The following RBM7 variants were observed in gnomAD, a reference collection of about 807,000 sequenced individuals.
The protein encoded by RBM7 is RNA binding motif protein 7, also known as RNA-binding protein 7.
In RBM7, 13 loss-of-function variants were observed where a neutral mutation model predicts 31.0. The observed-to-expected ratio is 0.42, with a 90% CI of 0.27 to 0.67. The LOEUF (loss-of-function observed/expected upper bound fraction) is 0.67. RBM7 is among the 30% of genes least tolerant of loss of function. RBM7 has a pLI of 0.24. For synonymous variants in RBM7, 106 were observed against 111.2 expected (o/e 0.95, Z 0.30); for missense variants, 245 against 326.2 (o/e 0.75, Z 1.92).
chr11:114,401,778 T>C lies in RBM7; in HGVS notation c.177T>C (p.His59=), dbSNP rs201324300. Residue 59 remains histidine (H), a synonymous_variant, in exon 2 of 5, where the codon CAT becomes CAC. Coordinates refer to ENST00000375490, the MANE Select transcript of RBM7 (RefSeq NM_001286045.2). The part of the protein sequence containing the change: ...PKQFAFVNFK[H]EVSVPYAMNL... ...AGTTTGCGTTTGTGAATTTCAAACATGAAGTGTCTGTTCCTTATGCAATGA... is the reference window on the plus strand; with the variant it reads ...AGTTTGCGTTTGTGAATTTCAAACACGAAGTGTCTGTTCCTTATGCAATGA... 3.7e-5 allele frequency: 58 copies of C among 1,586,460 alleles called. No individual in the cohort carries two copies. Among genetic ancestry groups the C allele is most frequent in the Non-Finnish European group, 4.7e-5 (55 of 1,170,176 alleles).
chr11:114,400,832 C>T, intron 1 of RBM7, 65 bp downstream of exon 1: 1 of 1,580,562 alleles, frequency 6.3e-7, no homozygotes, highest in African/African-American at 1.4e-5. Flanking sequence ...GGCCAGCGGC[C>T]ACCCCGTTTT....
intron 4 of RBM7, chr11:114,406,175 T>C (rs1200665134): frequency 6.4e-6 from 1 of 155,734 alleles, no homozygotes; most frequent in African/African-American, 2.4e-5. Context: ...ACCAGTTCCA[T>C]TTTAAACTTA....
In RBM7 at chr11:114,408,420, C is replaced by T. The variant is rs187324544; in HGVS notation, c.*613C>T. Reference sequence around the variant, plus strand: ...AATTTAGAAATTGTTCATTAAATCCCATTTGAGGTATAAGTCACTCAGGAA... The same window carrying T: ...AATTTAGAAATTGTTCATTAAATCCTATTTGAGGTATAAGTCACTCAGGAA... On this transcript the variant is annotated 3_prime_UTR_variant, in exon 5 of 5. Transcript: ENST00000375490. The T allele has an allele frequency of 6.5e-6, 1 of 152,774 alleles. No individual in the cohort carries two copies. Among genetic ancestry groups the T allele is most frequent in the Non-Finnish European group, 1.5e-5 (1 of 68,000 alleles). The allele number at this position is 152,774 out of a possible 1,614,324, so 9.5% of individuals were successfully genotyped here.
At chr11:114,401,984 T>C in intron 2 of RBM7, 124 bp downstream of exon 2, 1 of 984,452 alleles carries the variant, frequency 1.0e-6, no homozygotes, top group Non-Finnish European at 1.5e-6. Context: ...TAGTAAACTT[T>C]ATATAGCAAA....
chr11:114,407,410 G>C (rs755473623), intron 4 of RBM7, 35 bp from the exon 5 acceptor site: 19 of 1,570,340 alleles, frequency 1.2e-5, no homozygotes, highest in African/African-American at 4.1e-5. Context: ...TTGATATCTA[G>C]AAGTATTAAC....
In RBM7 at chr11:114,400,766, A is replaced by C; in HGVS notation, c.95A>C (p.Gln32Pro). The C allele has an allele frequency of 6.2e-7, 1 of 1,614,216 alleles. No individual in the cohort carries two copies. Among genetic ancestry groups the C allele is most frequent in the South Asian group, 1.1e-5 (1 of 91,090 alleles). Residue 32 changes from glutamine to proline, a missense_variant and splice_region_variant, in exon 1 of 5, where the codon CAG becomes CCG. Gln to Pro is a moderately conservative substitution (Grantham distance 76). Coordinates refer to ENST00000375490, the MANE Select transcript of RBM7 (RefSeq NM_001286045.2). ...TEELLFELFHQAGPVIKVKIP... is the reference protein window; with the variant it reads ...TEELLFELFHPAGPVIKVKIP... ...GAGCTCCTTTTCGAGCTTTTCCACC[A>C]GGTAAGCGGCTGGGTTCGGCCCTTT...
rs138706465 is a variant in RBM7 at position 114,401,736 on chromosome 11, G to A, written c.135G>A (p.Lys45=). The A allele has an allele frequency of 1.6e-3, 2,558 of 1,574,802 alleles. 37 individuals carry two copies. In the African/African-American group the frequency reaches 0.032, roughly 20 times the overall value. Reference sequence around the variant, plus strand: ...TAAAGGTGAAAATTCCAAAAGATAAGGATGGTAAACCAAAGCAGTTTGCGT... The same window carrying A: ...TAAAGGTGAAAATTCCAAAAGATAAAGATGGTAAACCAAAGCAGTTTGCGT... The part of the protein sequence containing the change: ...PVIKVKIPKD[K]DGKPKQFAFV... Residue 45 remains lysine, a synonymous_variant, in exon 2 of 5, where the codon AAG becomes AAA. Coordinates refer to ENST00000375490, the MANE Select transcript of RBM7 (RefSeq NM_001286045.2).
At chr11:114,402,740 A>G in intron 2 of RBM7, 88 bp from the exon 3 acceptor site, 2 of 1,131,556 alleles carry the variant, frequency 1.8e-6, no homozygotes, top group Admixed American at 1.7e-5. Flanking sequence ...GATTGTGTTT[A>G]CCTTTTTGGA....
chr11:114,402,652 A>AC (rs1339284270), intron 2 of RBM7, among the ~76,000 whole-genome samples, 176 bp from the exon 3 acceptor site: 1 of 151,812 alleles, frequency 6.6e-6, no homozygotes, highest in African/African-American at 2.4e-5. Flanking sequence ...AGATGTGCCC[A>AC]CGTCAGCCTC....
intron 2 of RBM7, 88 bp from the exon 3 acceptor site, chr11:114,402,740 A>T: frequency 8.8e-7 from 1 of 1,131,554 alleles, no homozygotes; most frequent in Non-Finnish European, 1.3e-6. Flanking sequence ...GATTGTGTTT[A>T]CCTTTTTGGA....
Position 114,408,615 on chromosome 11 carries a change from T to G in RBM7, c.*808T>G, listed in dbSNP as rs1429148171. 1.3e-5 allele frequency: 2 copies of G among 152,668 alleles called. No individual in the cohort carries two copies. Among genetic ancestry groups the G allele is most frequent in the East Asian group, 3.7e-4 (2 of 5,340 alleles). The allele number at this position is 152,668 out of a possible 1,614,324, so 9.5% of individuals were successfully genotyped here. On this transcript the variant is annotated 3_prime_UTR_variant, in exon 5 of 5. Coordinates refer to ENST00000375490, the MANE Select transcript of RBM7 (RefSeq NM_001286045.2). ...ATTCATGAAGCCTTTAAGTGCTGCT[T>G]CTGTCAGTCAAACGTTAAAAACTTT... is the stretch of plus-strand genomic sequence containing the variant.
In RBM7 at chr11:114,410,181, T is replaced by C. The variant is rs1054777; in HGVS notation, c.*2374T>C. ...AGATTATTTTTGTGGGAGAACAGTT[T>C]CTCCCATAGTGTTTCCTGTGGAATG... On this transcript the variant is annotated 3_prime_UTR_variant, in exon 5 of 5. Coordinates refer to ENST00000375490, the MANE Select transcript of RBM7 (RefSeq NM_001286045.2). 6.6e-6 allele frequency: 1 copy of C among 152,028 alleles called. No individual in the cohort carries two copies. The highest frequency in any genetic ancestry group is 2.1e-4 in the South Asian group (1 of 4,816). 9.4% of individuals were successfully genotyped at this position (152,028 alleles called of 1,614,324 possible). A position where few individuals can be genotyped will look rare whatever the true frequency, so the allele number is the denominator to read the frequency against.
At position 114,407,551 on chromosome 11, in the gene RBM7, A is replaced by G. The variant is rs368476669; in HGVS notation, c.548A>G (p.Asn183Ser). Reference sequence around the variant, plus strand: ...GTTCAATCACACAGTCATAGTTTCAATCAGTCTTCAAGCTCCCAGTGGCGC... The same window carrying G: ...GTTCAATCACACAGTCATAGTTTCAGTCAGTCTTCAAGCTCCCAGTGGCGC... Reference protein sequence around the residue: ...PSVQSHSHSFNQSSSSQWRQG... With the variant: ...PSVQSHSHSFSQSSSSQWRQG... The change falls in exon 5 of 5, where the codon AAT becomes AGT. Residue 183 changes from asparagine to serine, a missense_variant. Transcript: ENST00000375490. 1.8e-5 allele frequency: 29 copies of G among 1,614,082 alleles called. No homozygotes were observed. The highest frequency in any genetic ancestry group is 9.3e-5 in the African/African-American group (7 of 74,930).
chr11:114,403,142 A>G lies in RBM7; in HGVS notation c.347+227A>G, dbSNP rs551965047. On this transcript the variant is annotated intron_variant, in intron 3 of 4. Transcript: ENST00000375490. ...TAGTCCCCTTAGAATAGATACGTAT[A>G]TAACTATTTGTTGATTTGTAGCGAC... Among the ~76,000 whole-genome samples, 9 of 152,356 alleles carry G rather than the reference A, an allele frequency of 5.9e-5. No homozygotes were observed. In the South Asian group the frequency reaches 1.9e-3, roughly 32 times the overall value.
chr11:114,402,743 T>G, intron 2 of RBM7, 85 bp from the exon 3 acceptor site: 1 of 1,177,528 alleles, frequency 8.5e-7, no homozygotes, highest in Non-Finnish European at 1.3e-6. Flanking sequence ...TGTGTTTACC[T>G]TTTTGGAGTG....
chr11:114,407,596 A>T lies in RBM7; in HGVS notation c.593A>T (p.Gln198Leu). ...SQWRQGTPSS[Q>L]RKVRMNSYPY... is the part of the protein sequence containing the mutation. The stretch of plus-strand genomic sequence containing the variant: ...TGGCGCCAAGGTACACCATCATCAC[A>T]GCGTAAAGTCAGAATGAATTCTTAT... The change falls in exon 5 of 5, where the codon CAG becomes CTG. Residue 198 changes from glutamine (Q) to leucine (L), a missense_variant. Gln to Leu is a moderately radical substitution (Grantham distance 113, BLOSUM62 -2). Coordinates refer to ENST00000375490, the MANE Select transcript of RBM7 (RefSeq NM_001286045.2). 3.1e-6 allele frequency: 5 copies of T among 1,614,190 alleles called. No homozygotes were observed. The highest frequency in any genetic ancestry group is 4.2e-6 in the Non-Finnish European group (5 of 1,180,014).
In RBM7 at chr11:114,409,948, G is replaced by C. The variant is rs1192362125; in HGVS notation, c.*2141G>C. The C allele has an allele frequency of 1.3e-5, 2 of 152,178 alleles. No individual in the cohort carries two copies. Among genetic ancestry groups the C allele is most frequent in the African/African-American group, 2.4e-5 (1 of 41,438 alleles). The allele number at this position is 152,178 out of a possible 1,614,324, so 9.4% of individuals were successfully genotyped here. On this transcript the variant is annotated 3_prime_UTR_variant, in exon 5 of 5. Coordinates refer to ENST00000375490, the MANE Select transcript of RBM7 (RefSeq NM_001286045.2). ...TGAGCATCCCTTATTCAAAATGCTT[G>C]AGAAGTGTTTTGGGTTCTGGAATAT...
chr11:114,405,491 C>A (rs182010288), intron 3 of RBM7, among the ~76,000 whole-genome samples: 7 of 152,280 alleles, frequency 4.6e-5, no homozygotes, highest in Admixed American at 3.9e-4. Context: ...GGGGAACCTC[C>A]TATCTGTTTC....
chr11:114,402,356 A>G (rs1946213608), intron 2 of RBM7, among the ~76,000 whole-genome samples: 4 of 146,176 alleles, frequency 2.7e-5, no homozygotes, highest in Admixed American at 1.4e-4. Flanking sequence ...ATGAAGCCGT[A>G]AAGCGGTCTA....
Sources: gnomAD v4.1 joint callset for allele counts (sites outside exome capture counted in the v4.1 genomes callset) on GRCh38, gnomAD v4.1.1 for gene constraint, MANE v1.5 for transcripts, NCBI Gene and HGNC (gene_info 2026-07-23, HGNC 2026-07-21) for gene names.